Variants in FERMT2 observed in about 807,000 individuals in gnomAD.
The protein encoded by FERMT2 is fermitin family homolog 2.
Under a neutral mutation model 82.7 loss-of-function variants are expected in FERMT2, and 15 were observed. That is an observed-to-expected ratio of 0.18 (90% CI 0.12 to 0.28). The LOEUF (loss-of-function observed/expected upper bound fraction) is 0.28. Among genes scored for constraint, FERMT2 ranks in the 10% least tolerant of loss-of-function variants. The pLI is 1.00. For synonymous variants in FERMT2, 274 were observed against 271.5 expected, an observed-to-expected ratio of 1.01 and a Z score of -0.09; for missense variants, 645 against 809.4, an observed-to-expected ratio of 0.80 and a Z score of 2.46.
intron 2 of FERMT2, among the ~76,000 whole-genome samples, chr14:52,941,342 A>G (rs17556314): frequency 0.012 from 1,802 of 152,314 alleles, 53 homozygotes; most frequent in East Asian, 0.074. Context: ...AAAGTTTTCT[A>G]TCTTGACTGT....
intron 2 of FERMT2, among the ~76,000 whole-genome samples, chr14:52,945,700 G>A (rs1027114931): frequency 3.3e-5 from 5 of 152,136 alleles, no homozygotes; most frequent in Admixed American, 1.3e-4. Flanking sequence ...CAGAGCTAGA[G>A]GAAACTTAGA....
At chr14:52,905,757 A>G (rs1427201817) in intron 3 of FERMT2, among the ~76,000 whole-genome samples, 1 of 152,220 alleles carries the variant, frequency 6.6e-6, no homozygotes, top group East Asian at 1.9e-4. Context: ...AGGAGGGAAG[A>G]GGGAGCACAG....
At chr14:52,935,503 A>ATCCTCAATAATT (rs1889795743) in intron 2 of FERMT2, among the ~76,000 whole-genome samples, 1 of 152,144 alleles carries the variant, frequency 6.6e-6, no homozygotes, top group Non-Finnish European at 1.5e-5. Context: ...GTATCCTTAG[A>ATCCTCAATAATT]AGAAGAGACA....
chr14:52,920,351 C>T (rs1454062073), intron 2 of FERMT2, among the ~76,000 whole-genome samples: 1 of 152,180 alleles, frequency 6.6e-6, no homozygotes, highest in Non-Finnish European at 1.5e-5. Context: ...AAAGAACAGG[C>T]CCAGCGTGGT....
At chr14:52,907,480 A>G (rs1321856515) in intron 3 of FERMT2, among the ~76,000 whole-genome samples, 1 of 152,136 alleles carries the variant, frequency 6.6e-6, no homozygotes, top group African/African-American at 2.4e-5. Flanking sequence ...ATGAAAAACC[A>G]TTTTGCTCAT....
chr14:52,911,656 A>G (rs1594982511), intron 3 of FERMT2, among the ~76,000 whole-genome samples: 3 of 139,616 alleles, frequency 2.1e-5, no homozygotes, highest in East Asian at 4.5e-4. Context: ...ATCTCAAAAT[A>G]AAAAAAAAAA....
chr14:52,919,615 T>C (rs1407084675), intron 2 of FERMT2, among the ~76,000 whole-genome samples: 3 of 152,128 alleles, frequency 2.0e-5, no homozygotes, highest in Admixed American at 2.0e-4. Context: ...GACACATGGA[T>C]GACAGAGAAA....
At chr14:52,871,118 G>A (rs1244862713) in intron 10 of FERMT2, among the ~76,000 whole-genome samples, 1 of 152,188 alleles carries the variant, frequency 6.6e-6, no homozygotes, top group South Asian at 2.1e-4. Flanking sequence ...GGCTGCAGGT[G>A]TTAGCTCCAG....
chr14:52,935,903 G>C (rs1254324484), intron 2 of FERMT2, among the ~76,000 whole-genome samples: 1 of 152,156 alleles, frequency 6.6e-6, no homozygotes, highest in African/African-American at 2.4e-5. Context: ...CTAACTCAAA[G>C]CAGTTAAGAA....
At chr14:52,869,828 A>T (rs1594932551) in intron 10 of FERMT2, among the ~76,000 whole-genome samples, 1 of 152,042 alleles carries the variant, frequency 6.6e-6, no homozygotes, top group Admixed American at 6.6e-5. Context: ...CATGCTTGTT[A>T]CTCCCCCTGA....
intron 4 of FERMT2, among the ~76,000 whole-genome samples, chr14:52,887,018 G>GA (rs963467543): frequency 6.6e-6 from 1 of 151,262 alleles, no homozygotes; most frequent in Non-Finnish European, 1.5e-5. Flanking sequence ...ACTTTTGTTA[G>GA]AAAAAAAATG....
chr14:52,861,969 A>ACTAG (rs1384776888), intron 12 of FERMT2: 1 of 152,202 alleles, frequency 6.6e-6, no homozygotes, highest in Non-Finnish European at 1.5e-5. Flanking sequence ...GTCCAGTGTG[A>ACTAG]CTAGTGTGGT....
At chr14:52,932,224 A>G (rs1029316776) in intron 2 of FERMT2, among the ~76,000 whole-genome samples, 8 of 152,214 alleles carry the variant, frequency 5.3e-5, no homozygotes, top group African/African-American at 1.9e-4. Flanking sequence ...CTTAAATTAC[A>G]TGCCATTAGC....
chr14:52,883,849 T>A (rs1264901520), intron 4 of FERMT2, among the ~76,000 whole-genome samples: 1 of 152,052 alleles, frequency 6.6e-6, no homozygotes, highest in Non-Finnish European at 1.5e-5. Flanking sequence ...ACCTCCCCAC[T>A]CCCACCCCTA....
At chr14:52,913,831 A>G (rs1218888944) in intron 3 of FERMT2, among the ~76,000 whole-genome samples, 1 of 152,180 alleles carries the variant, frequency 6.6e-6, no homozygotes, top group Admixed American at 6.5e-5. Flanking sequence ...TGTGGAATGA[A>G]GAATTAATGC....
intron 3 of FERMT2, among the ~76,000 whole-genome samples, chr14:52,894,648 C>T (rs1464741417): frequency 1.3e-5 from 2 of 151,808 alleles, no homozygotes; most frequent in African/African-American, 2.4e-5. Context: ...GACAAAGGTA[C>T]CAAGGCAATC....
chr14:52,860,086 C>T (rs1047374493), intron 13 of FERMT2: 5 of 363,088 alleles, frequency 1.4e-5, no homozygotes, highest in Non-Finnish European at 1.5e-5. Flanking sequence ...CACAGTGCTG[C>T]GATTACAGGC....
chr14:52,859,501 G>A (rs1327747438), intron 14 of FERMT2, 72 bp downstream of exon 14: 3 of 1,293,548 alleles, frequency 2.3e-6, no homozygotes, highest in Non-Finnish European at 3.1e-6. Context: ...GAATTTATAG[G>A]CCTTTTTATT....
chr14:52,902,170 A>G (rs970263112), intron 3 of FERMT2, among the ~76,000 whole-genome samples: 2 of 152,094 alleles, frequency 1.3e-5, no homozygotes, highest in Non-Finnish European at 2.9e-5. Context: ...AGGTGGGTGG[A>G]TCACTTGAGG....
Sources: allele counts gnomAD v4.1 joint callset (sites outside exome capture counted in the v4.1 genomes callset), GRCh38; gene constraint gnomAD v4.1.1; transcripts MANE v1.5; gene names NCBI Gene and HGNC (gene_info 2026-07-23, HGNC 2026-07-21).